The following AP1B1 variants were observed in gnomAD, a reference collection of about 807,000 sequenced individuals.
AP1B1 encodes adaptor related protein complex 1 subunit beta 1, also known as AP-1 complex subunit beta-1.
In AP1B1, 36 loss-of-function variants were observed where a neutral mutation model predicts 104.3. That is an observed-to-expected ratio of 0.35 (90% CI 0.26 to 0.46). The LOEUF (loss-of-function observed/expected upper bound fraction) is 0.46. Ranked by LOEUF, AP1B1 falls within the 20% of genes least tolerant of loss-of-function variation. The pLI is 1.00. For synonymous variants in AP1B1, 504 were observed against 517.5 expected, an observed-to-expected ratio of 0.97 and a Z score of 0.35; for missense variants, 901 against 1,247.9, an observed-to-expected ratio of 0.72 and a Z score of 4.19.
intron 2 of AP1B1, among the ~76,000 whole-genome samples, chr22:29,366,522 G>C (rs960158436): frequency 6.6e-6 from 1 of 152,128 alleles, no homozygotes. Flanking sequence ...CAGCTACTTG[G>C]GAGGCTGAGG....
intron 9 of AP1B1, among the ~76,000 whole-genome samples, chr22:29,350,717 C>A (rs1401227269): frequency 1.3e-5 from 2 of 152,160 alleles, no homozygotes; most frequent in African/African-American, 4.8e-5. Context: ...CGAGGAACAT[C>A]TCCACAGACA....
intron 14 of AP1B1, 147 bp downstream of exon 14, chr22:29,340,508 AG>A (rs2147954182): frequency 1.1e-6 from 1 of 872,262 alleles, no homozygotes; most frequent in Admixed American, 3.0e-5. Context: ...ATAAGTAGGG[AG>A]CTACACAATC....
In AP1B1 at chr22:29,349,402, G is replaced by A; in HGVS notation, c.1272-19C>T. On this transcript the variant is annotated intron_variant, in intron 10 of 22. Transcript: ENST00000357586. ...CTCATACCTGGGAGACCAGGGCACA[G>A]TTGGTATGGGAGCCCTCAAGGAGAA... is the stretch of plus-strand genomic sequence containing the variant. 1 of 1,612,290 alleles carries A rather than the reference G, an allele frequency of 6.2e-7. No homozygotes were observed. The highest frequency in any genetic ancestry group is 8.5e-7 in the Non-Finnish European group (1 of 1,179,340).
chr22:29,378,193 T>C (rs1439790131), intron 1 of AP1B1, among the ~76,000 whole-genome samples: 1 of 152,106 alleles, frequency 6.6e-6, no homozygotes, highest in Non-Finnish European at 1.5e-5. Context: ...ATGTGCCTAG[T>C]GAAAGCCTAT....
chr22:29,369,795 T>C (rs2062202478), intron 1 of AP1B1, among the ~76,000 whole-genome samples: 1 of 152,036 alleles, frequency 6.6e-6, no homozygotes, highest in South Asian at 2.1e-4. Context: ...ACGTAACTAG[T>C]TAGCATTTGT....
intron 11 of AP1B1, among the ~76,000 whole-genome samples, chr22:29,346,601 C>T (rs546379383): frequency 1.3e-5 from 2 of 152,350 alleles, no homozygotes; most frequent in African/African-American, 2.4e-5. Flanking sequence ...GCTCACCTCC[C>T]GCTGTGCAGC....
chr22:29,341,660 G>A lies in AP1B1; in HGVS notation c.1637C>T (p.Pro546Leu). ...GAGGTCCGTCTCTTCAGAGATGAGT[G>A]GCTTCTCAGCCAACACCACCTCCTT... is the stretch of plus-strand genomic sequence containing the variant. ...AAKEVVLAEK[P>L]LISEETDLIE... The change falls in exon 13 of 23, where the codon CCA (proline) becomes CTA (leucine). Residue 546 changes from proline (P) to leucine (L), a missense_variant. By Grantham distance (98) the Pro-to-Leu change is moderately conservative. Transcript: ENST00000357586. The A allele has an allele frequency of 6.2e-7, 1 of 1,614,228 alleles. No individual in the cohort carries two copies. The highest frequency in any genetic ancestry group is 8.5e-7 in the Non-Finnish European group (1 of 1,180,042).
intron 22 of AP1B1, 127 bp downstream of exon 22, chr22:29,329,585 C>A: frequency 6.5e-7 from 1 of 1,540,026 alleles, no homozygotes; most frequent in Non-Finnish European, 8.8e-7. Context: ...GGCCACCTGG[C>A]TGAAGCCCCC....
intron 7 of AP1B1, among the ~76,000 whole-genome samples, chr22:29,352,947 C>G (rs112724889): frequency 7.2e-5 from 11 of 152,252 alleles, no homozygotes; most frequent in African/African-American, 2.4e-4. Flanking sequence ...TAGGCAGGAG[C>G]TGTCACTAGC....
chr22:29,361,886 C>A (rs2062052876), intron 3 of AP1B1, among the ~76,000 whole-genome samples: 1 of 151,970 alleles, frequency 6.6e-6, no homozygotes, highest in African/African-American at 2.4e-5. Context: ...CCTCTGCCTC[C>A]CAGGTTCCAG....
intron 1 of AP1B1, among the ~76,000 whole-genome samples, chr22:29,373,863 C>G (rs1048474007): frequency 1.3e-5 from 2 of 150,062 alleles, no homozygotes; most frequent in Non-Finnish European, 2.9e-5. Flanking sequence ...GGTGGCACCA[C>G]TGCACTCCAG....
intron 14 of AP1B1, among the ~76,000 whole-genome samples, chr22:29,340,100 G>A (rs2147953061): frequency 6.6e-6 from 1 of 152,182 alleles, no homozygotes; most frequent in Non-Finnish European, 1.5e-5. Context: ...AGAGGTTTAG[G>A]CGCCCCCACA....
intron 16 of AP1B1, among the ~76,000 whole-genome samples, chr22:29,335,967 A>G (rs777960601): frequency 4.8e-4 from 73 of 152,102 alleles, no homozygotes; most frequent in Non-Finnish European, 8.8e-4. Flanking sequence ...GGGCCCCCCA[A>G]TCAGGCCTCC....
chr22:29,341,532 C>T lies in AP1B1; in HGVS notation c.1765G>A (p.Val589Met), dbSNP rs149960917. Reference sequence around the variant, plus strand: ...GTGCGAGGTGGCAGGCTCTTGTGCACGACGCCCCGGCCCCCCTCCACAAAG... The same window carrying T: ...GTGCGAGGTGGCAGGCTCTTGTGCATGACGCCCCGGCCCCCCTCCACAAAG... Reference protein sequence around the residue: ...SAFVEGGRGVVHKSLPPRTAS... With the variant: ...SAFVEGGRGVMHKSLPPRTAS... Residue 589 changes from valine to methionine, a missense_variant, in exon 13 of 23, where the codon GTG becomes ATG. Around this residue, in one of 3 missense-constraint regions of AP1B1, gnomAD observed 424 missense variants for 494.0 expected, o/e 0.86. Transcript: ENST00000357586. 1,383 of 1,613,864 alleles carry T rather than the reference C, an allele frequency of 8.6e-4. 2 individuals are homozygous for T. The highest frequency in any genetic ancestry group is 2.6e-3 in the Middle Eastern group (16 of 6,060).
chr22:29,333,837 G>A (rs150218118), intron 17 of AP1B1, among the ~76,000 whole-genome samples: 4,419 of 152,166 alleles, frequency 0.029, 208 homozygotes, highest in African/African-American at 0.099. Flanking sequence ...GCCGAGGTGG[G>A]CGGATTGCCT....
At chr22:29,384,008 A>C (rs1201208958) in intron 1 of AP1B1, among the ~76,000 whole-genome samples, 1 of 152,196 alleles carries the variant, frequency 6.6e-6, no homozygotes, top group African/African-American at 2.4e-5. Flanking sequence ...AAGAGGGGAC[A>C]ATCTAAACAC....
Position 29,329,726 on chromosome 22 carries a change from C to A in AP1B1, c.2767-6G>T, listed in dbSNP as rs776410742. On this transcript the variant is annotated splice_region_variant and splice_polypyrimidine_tract_variant and intron_variant, in intron 21 of 22. Coordinates refer to ENST00000357586, the MANE Select transcript of AP1B1 (RefSeq NM_001127.4). ...GATCTGCTAACCTCTAAGTCCTGCA[C>A]CACGGGAACCAGCAGGGAAGGTGAC... The A allele has an allele frequency of 2.5e-6, 4 of 1,613,522 alleles. No homozygotes were observed. The Admixed American group carries it at 5.0e-5, about 20-fold the overall frequency.
chr22:29,341,370 T>C, intron 13 of AP1B1, 131 bp downstream of exon 13: 1 of 1,158,450 alleles, frequency 8.6e-7, no homozygotes, highest in Non-Finnish European at 1.2e-6. Context: ...AATAAATAGC[T>C]GATAAAAGGT....
At chr22:29,383,252 C>T (rs2062465722) in intron 1 of AP1B1, among the ~76,000 whole-genome samples, 1 of 152,166 alleles carries the variant, frequency 6.6e-6, no homozygotes, top group Non-Finnish European at 1.5e-5. Flanking sequence ...CAGCAGCAGA[C>T]CCAAGGCTGG....
Sources: allele counts gnomAD v4.1 joint callset (sites outside exome capture counted in the v4.1 genomes callset), GRCh38; gene constraint gnomAD v4.1.1; regional missense constraint gnomAD v4.1.1; transcripts MANE v1.5; gene names NCBI Gene and HGNC (gene_info 2026-07-23, HGNC 2026-07-21).